The following JARID2 variants were observed in gnomAD, a reference collection of about 807,000 sequenced individuals.
JARID2 encodes the protein protein Jumonji.
A neutral mutation model predicts 125.6 loss-of-function variants in JARID2; 21 were observed. The observed-to-expected ratio is 0.17, with a 90% CI of 0.12 to 0.24. The LOEUF (loss-of-function observed/expected upper bound fraction) is 0.24. Among genes scored for constraint, JARID2 ranks in the 10% least tolerant of loss-of-function variants. The pLI, the probability that JARID2 is intolerant of heterozygous loss-of-function variation, is 1.00. For synonymous variants in JARID2, 736 were observed against 661.6 expected, an observed-to-expected ratio of 1.11 and a Z score of -1.73; for missense variants, 1,303 against 1,639.6, an observed-to-expected ratio of 0.79 and a Z score of 3.55.
chr6:15,487,267 A>C (rs1396182247), intron 5 of JARID2, 40 bp from the exon 6 acceptor site: 1 of 1,551,214 alleles, frequency 6.4e-7, no homozygotes, highest in Non-Finnish European at 8.9e-7. Flanking sequence ...GGTAGTGGTC[A>C]AGGTAGTGAT....
rs1410546223 is a variant in JARID2, at chr6:15,325,273, C to A, written c.46-48844C>A. Among the ~76,000 whole-genome samples, 4 of 152,228 alleles carry A rather than the reference C, an allele frequency of 2.6e-5. No homozygotes were observed. In the East Asian group the frequency reaches 7.7e-4, roughly 29 times the overall value. On this transcript the variant is annotated intron_variant, in intron 1 of 17. Coordinates refer to ENST00000341776, the MANE Select transcript of JARID2 (RefSeq NM_004973.4). ...AATTGAGACCCAGTATTTGTGGCTA[C>A]CTGTGTGTGTGCACACACACAACTG...
chr6:15,503,180 C>T (rs76277073), intron 8 of JARID2, among the ~76,000 whole-genome samples: 14 of 152,186 alleles, frequency 9.2e-5, no homozygotes, highest in African/African-American at 1.7e-4. Flanking sequence ...ACCGTGAGCA[C>T]GCAACTCTCT....
intron 2 of JARID2, chr6:15,400,822 C>A: frequency 7.9e-7 from 1 of 1,266,736 alleles, no homozygotes; most frequent in South Asian, 1.3e-5. Flanking sequence ...ATCTGCACTG[C>A]CGCTTGCTTA....
intron 1 of JARID2, among the ~76,000 whole-genome samples, chr6:15,333,166 T>C (rs1423770355): frequency 3.3e-5 from 5 of 152,070 alleles, no homozygotes; most frequent in Non-Finnish European, 7.4e-5. Context: ...TCTCCTGACC[T>C]CGTGATCCAC....
At position 15,520,260 on chromosome 6, in the gene JARID2, A is replaced by G. The variant is rs1771771095; in HGVS notation, c.*9A>G. ...CTTCGAGCTCATCATGAAGATGCCAACGCCCGTGGTCGATTTATATATATT... is the reference window on the plus strand; with the variant it reads ...CTTCGAGCTCATCATGAAGATGCCAGCGCCCGTGGTCGATTTATATATATT... On this transcript the variant is annotated 3_prime_UTR_variant, in exon 18 of 18. Coordinates refer to ENST00000341776, the MANE Select transcript of JARID2 (RefSeq NM_004973.4). 8 of 1,580,076 alleles carry G rather than the reference A, an allele frequency of 5.1e-6. No homozygotes were observed. The highest frequency in any genetic ancestry group is 2.3e-5 in the South Asian group (2 of 85,432).
intron 1 of JARID2, among the ~76,000 whole-genome samples, chr6:15,345,149 T>G (rs1223457275): frequency 6.6e-6 from 1 of 152,212 alleles, no homozygotes. Context: ...ATTTCTAAGC[T>G]TTTGAGACTG....
chr6:15,346,438 T>C (rs1763247267), intron 1 of JARID2, among the ~76,000 whole-genome samples: 1 of 152,214 alleles, frequency 6.6e-6, no homozygotes, highest in African/African-American at 2.4e-5. Flanking sequence ...TGTACCCCTT[T>C]TAAGTTTGCT....
At chr6:15,285,297 T>G (rs983034065) in intron 1 of JARID2, among the ~76,000 whole-genome samples, 2 of 151,800 alleles carry the variant, frequency 1.3e-5, no homozygotes, top group African/African-American at 4.8e-5. Flanking sequence ...TTTTTGTTTG[T>G]TTGTTTTAGT....
intron 5 of JARID2, among the ~76,000 whole-genome samples, chr6:15,474,219 T>C (rs1769231262): frequency 6.6e-6 from 1 of 152,260 alleles, no homozygotes; most frequent in Non-Finnish European, 1.5e-5. Context: ...AAGGAAATTA[T>C]TGATCATCTC....
At chr6:15,355,294 T>C (rs1763560175) in intron 1 of JARID2, among the ~76,000 whole-genome samples, 1 of 152,220 alleles carries the variant, frequency 6.6e-6, no homozygotes, top group Admixed American at 6.5e-5. Context: ...AAGCTGATAT[T>C]TTGGATCACT....
intron 9 of JARID2, among the ~76,000 whole-genome samples, chr6:15,505,485 C>T (rs2127752681): frequency 6.6e-6 from 1 of 152,178 alleles, no homozygotes; most frequent in Non-Finnish European, 1.5e-5. Context: ...GACCTTCAAA[C>T]CTGCTCAAAC....
chr6:15,325,027 G>A (rs137974352), intron 1 of JARID2, among the ~76,000 whole-genome samples: 1 of 151,986 alleles, frequency 6.6e-6, no homozygotes, highest in African/African-American at 2.4e-5. Context: ...CTGTGTATTC[G>A]TATGTGTTTA....
In JARID2 at chr6:15,336,679, C is replaced by G. The variant is rs555318055; in HGVS notation, c.46-37438C>G. On this transcript the variant is annotated intron_variant, in intron 1 of 17. Coordinates refer to ENST00000341776, the MANE Select transcript of JARID2 (RefSeq NM_004973.4). ...TTTTTTTTTTTTTTAATAGATTTGG[C>G]AGTATACAGTTCTGTACGTTTCATG... Among the ~76,000 whole-genome samples, 16 of 148,064 alleles carry G rather than the reference C, an allele frequency of 1.1e-4. No homozygotes were observed. The South Asian group carries it at 1.9e-3, about 18-fold the overall frequency.
intron 4 of JARID2, among the ~76,000 whole-genome samples, chr6:15,465,393 G>C (rs1386273464): frequency 1.3e-5 from 2 of 152,250 alleles, no homozygotes; most frequent in African/African-American, 4.8e-5. Flanking sequence ...CGAGGCTGTA[G>C]TGAGTCATGA....
In JARID2 at chr6:15,487,365, C is replaced by T. The variant is rs1267584001; in HGVS notation, c.729C>T (p.Ser243=). The T allele has an allele frequency of 2.5e-6, 4 of 1,614,186 alleles. No homozygotes were observed. The highest frequency in any genetic ancestry group is 3.4e-6 in the Non-Finnish European group (4 of 1,180,044). ...AGGAACCTGTTCAAAAACACAAAAG[C>T]AAAGAGGCCACTCCCGCAAAGGAGA... ...REKEPVQKHK[S]KEATPAKEKH... Residue 243 remains serine (S), a synonymous_variant, in exon 6 of 18, where the codon AGC becomes AGT. Transcript: ENST00000341776.
intron 2 of JARID2, among the ~76,000 whole-genome samples, chr6:15,391,205 G>A (rs144124156): frequency 2.6e-5 from 4 of 152,270 alleles, no homozygotes; most frequent in African/African-American, 4.8e-5. Context: ...AGGGCTTGGC[G>A]AGCTGAGACT....
chr6:15,316,471 G>A (rs1762183108), intron 1 of JARID2, among the ~76,000 whole-genome samples: 1 of 152,158 alleles, frequency 6.6e-6, no homozygotes, highest in African/African-American at 2.4e-5. Flanking sequence ...ATCATTGTGA[G>A]GTTTGTGGCT....
intron 5 of JARID2, among the ~76,000 whole-genome samples, chr6:15,471,613 G>A (rs1769081511): frequency 6.6e-6 from 1 of 152,154 alleles, no homozygotes; most frequent in South Asian, 2.1e-4. Flanking sequence ...TTGTACTGGG[G>A]TTGCTAACTC....
chr6:15,432,378 A>G (rs1767003185), intron 3 of JARID2, among the ~76,000 whole-genome samples: 1 of 152,142 alleles, frequency 6.6e-6, no homozygotes, highest in South Asian at 2.1e-4. Context: ...CAGTGAGCTG[A>G]GATTGCGCCA....
Sources: gnomAD v4.1 joint callset for allele counts (sites outside exome capture counted in the v4.1 genomes callset) on GRCh38, gnomAD v4.1.1 for gene constraint, MANE v1.5 for transcripts, NCBI Gene and HGNC (gene_info 2026-07-23, HGNC 2026-07-21) for gene names.